GRM7: variants seen among roughly 807,000 people sequenced by gnomAD.
GRM7 encodes glutamate metabotropic receptor 7.
GRM7 carries 35 observed loss-of-function variants against 84.5 expected under a neutral mutation model. The observed-to-expected ratio is 0.41, with a 90% CI of 0.32 to 0.55. The LOEUF is 0.55. Among genes scored for constraint, GRM7 ranks in the 20% least tolerant of loss-of-function variants. The pLI, the probability that GRM7 is intolerant of heterozygous loss-of-function variation, is 0.19. For synonymous variants in GRM7, 487 were observed against 455.1 expected (o/e 1.07, Z -0.89); for missense variants, 1,003 against 1,194.6 (o/e 0.84, Z 2.36).
At chr3:7,064,854 A>T (rs1574854400) in intron 1 of GRM7, among the ~76,000 whole-genome samples, 1 of 151,620 alleles carries the variant, frequency 6.6e-6, no homozygotes, top group South Asian at 2.1e-4. Flanking sequence ...CCATGCCAAC[A>T]TCTACTGTTT....
At chr3:7,637,948 C>T (rs1334375775) in intron 8 of GRM7, among the ~76,000 whole-genome samples, 2 of 152,136 alleles carry the variant, frequency 1.3e-5, no homozygotes, top group Non-Finnish European at 2.9e-5. Context: ...GCTGTGTTTG[C>T]CCACAACAGG....
chr3:7,617,109 G>A (rs1404689655), intron 8 of GRM7, among the ~76,000 whole-genome samples: 1 of 152,122 alleles, frequency 6.6e-6, no homozygotes, highest in Non-Finnish European at 1.5e-5. Context: ...ATTTATGCTG[G>A]AGGTTGCAAT....
At chr3:7,350,566 A>G (rs981288625) in intron 4 of GRM7, among the ~76,000 whole-genome samples, 3 of 152,106 alleles carry the variant, frequency 2.0e-5, no homozygotes, top group African/African-American at 4.8e-5. Context: ...ACTGTGAGCC[A>G]ATTAAACCTC....
chr3:7,322,637 T>C (rs1000688506), intron 4 of GRM7, among the ~76,000 whole-genome samples: 1 of 151,720 alleles, frequency 6.6e-6, no homozygotes, highest in African/African-American at 2.4e-5. Context: ...CTCTCACTTA[T>C]AAGTGAGAAA....
chr3:7,166,345 A>G (rs1254001856), intron 2 of GRM7, among the ~76,000 whole-genome samples: 1 of 152,220 alleles, frequency 6.6e-6, no homozygotes, highest in East Asian at 1.9e-4. Context: ...AATTTAGCCA[A>G]TAGGCTAAAC....
intron 4 of GRM7, among the ~76,000 whole-genome samples, chr3:7,391,567 G>A (rs1460707579): frequency 1.3e-5 from 2 of 152,062 alleles, no homozygotes. Flanking sequence ...CGTGGGGCGG[G>A]GGAAGTGGGG....
chr3:7,056,197 C>A (rs1697213571), intron 1 of GRM7, among the ~76,000 whole-genome samples: 2 of 152,036 alleles, frequency 1.3e-5, no homozygotes, highest in Non-Finnish European at 2.9e-5. Context: ...GAGGTCCTTT[C>A]TTTTCCCCAA....
intron 2 of GRM7, among the ~76,000 whole-genome samples, chr3:7,150,224 C>G: frequency 6.6e-6 from 1 of 151,984 alleles, no homozygotes; most frequent in Admixed American, 6.6e-5. Context: ...GATTCTTTTC[C>G]TCTATAAATG....
intron 2 of GRM7, among the ~76,000 whole-genome samples, chr3:7,174,747 A>G (rs920856049): frequency 2.0e-5 from 3 of 152,200 alleles, no homozygotes; most frequent in Non-Finnish European, 4.4e-5. Context: ...TCTATGGGTG[A>G]AAACTAGTCA....
chr3:7,452,702 C>G lies in GRM7; in HGVS notation c.1270C>G (p.His424Asp), dbSNP rs1345656245. 6.2e-7 allele frequency: 1 copy of G among 1,612,822 alleles called. No homozygotes were observed. Among genetic ancestry groups the G allele is most frequent in the Non-Finnish European group, 8.5e-7 (1 of 1,179,162 alleles). The change falls in exon 6 of 10, where the codon CAC becomes GAC. Residue 424 changes from histidine to aspartate, a missense_variant. This residue lies in a region of GRM7 where 910 missense variants were observed against 1,126.0 expected (regional missense o/e 0.81). Transcript: ENST00000357716. The part of the protein sequence containing the change: ...AVYAMAHALH[H>D]MNKDLCADYR... ...CTATGCTATGGCTCACGCCCTTCACCACATGAACAAGGATCTCTGTGCTGA... is the reference window on the plus strand; with the variant it reads ...CTATGCTATGGCTCACGCCCTTCACGACATGAACAAGGATCTCTGTGCTGA...
At chr3:7,006,506 C>A (rs991825692) in intron 1 of GRM7, among the ~76,000 whole-genome samples, 5 of 152,090 alleles carry the variant, frequency 3.3e-5, no homozygotes, top group Non-Finnish European at 7.4e-5. Context: ...TCCTTTTTTA[C>A]TCTGGCTGCT....
At chr3:7,113,983 TAGATTTTGA>T in intron 1 of GRM7, among the ~76,000 whole-genome samples, 1 of 152,208 alleles carries the variant, frequency 6.6e-6, no homozygotes, top group Admixed American at 6.5e-5. Flanking sequence ...ATGACAGAGT[TAGATTTTGA>T]ACAGATATTT....
At chr3:7,244,898 T>G (rs1396218399) in intron 2 of GRM7, among the ~76,000 whole-genome samples, 1 of 151,832 alleles carries the variant, frequency 6.6e-6, no homozygotes, top group Non-Finnish European at 1.5e-5. Flanking sequence ...GCATAATCAT[T>G]ATAACTATGT....
At chr3:7,574,716 A>C (rs926358572) in intron 7 of GRM7, among the ~76,000 whole-genome samples, 1 of 152,224 alleles carries the variant, frequency 6.6e-6, no homozygotes, top group African/African-American at 2.4e-5. Flanking sequence ...GCAGTATTTC[A>C]GATAAGAACC....
At chr3:6,872,196 G>A (rs550726678) in intron 1 of GRM7, among the ~76,000 whole-genome samples, 21 of 152,256 alleles carry the variant, frequency 1.4e-4, no homozygotes, top group Admixed American at 1.4e-3. Context: ...ATGCTGTCCC[G>A]CCATCCTTAT....
chr3:7,738,535 A>C (rs1022425954), intron 9 of GRM7, among the ~76,000 whole-genome samples: 4 of 152,136 alleles, frequency 2.6e-5, no homozygotes, highest in Non-Finnish European at 4.4e-5. Context: ...CAATTTGGGG[A>C]TCATATTTTC....
chr3:7,698,130 A>G (rs1462670736), intron 9 of GRM7, among the ~76,000 whole-genome samples: 20 of 152,326 alleles, frequency 1.3e-4, no homozygotes, highest in African/African-American at 4.8e-4. Context: ...TTTGCCAGGC[A>G]TTATACATTG....
intron 8 of GRM7, among the ~76,000 whole-genome samples, chr3:7,667,450 A>T (rs1395548195): frequency 1.3e-5 from 2 of 152,252 alleles, no homozygotes; most frequent in Middle Eastern, 3.4e-3. Flanking sequence ...TGCTCCAACC[A>T]CCAACACACA....
intron 5 of GRM7, among the ~76,000 whole-genome samples, chr3:7,441,855 G>A (rs1048703756): frequency 2.0e-5 from 3 of 152,060 alleles, no homozygotes; most frequent in African/African-American, 4.8e-5. Context: ...TTTTGTGTCA[G>A]TACCATGCTG....
Sources: allele counts gnomAD v4.1 joint callset (sites outside exome capture counted in the v4.1 genomes callset), GRCh38; gene constraint gnomAD v4.1.1; regional missense constraint gnomAD v4.1.1; transcripts MANE v1.5; gene names NCBI Gene and HGNC (gene_info 2026-07-23, HGNC 2026-07-21).